RANBP2: variants seen among roughly 807,000 people sequenced by gnomAD.
RANBP2 encodes E3 SUMO-protein ligase RanBP2.
In RANBP2, 57 loss-of-function variants were observed where a neutral mutation model predicts 303.6. That is an observed-to-expected ratio of 0.19 (90% CI 0.15 to 0.23). RANBP2 has a LOEUF of 0.23. RANBP2 is among the 10% of genes least tolerant of loss of function. The probability of loss-of-function intolerance (pLI) is 1.00; values close to 1 mark genes in which losing one functional copy is unlikely to be tolerated. For missense variants in RANBP2, 3,138 were observed against 3,780.8 expected (o/e 0.83, Z 4.46); for synonymous variants, 1,167 against 1,301.5 (o/e 0.90, Z 2.23).
chr2:109,000,634 C>A, the RANBP2 span, among the ~76,000 whole-genome samples: 1 of 152,132 alleles, frequency 6.6e-6, no homozygotes, highest in African/African-American at 2.4e-5. Flanking sequence ...AAACTGGGGA[C>A]GGCTTCTTGG....
the RANBP2 span, among the ~76,000 whole-genome samples, chr2:108,800,210 G>T: frequency 6.6e-6 from 1 of 152,062 alleles, no homozygotes; most frequent in Non-Finnish European, 1.5e-5. Context: ...TTACCTTCTG[G>T]AGAATATTAT....
At chr2:109,443,858 T>G in the RANBP2 span, among the ~76,000 whole-genome samples, 2 of 152,216 alleles carry the variant, frequency 1.3e-5, no homozygotes, top group African/African-American at 2.4e-5. Context: ...GGTAAAAATT[T>G]AAAACATTAG....
At chr2:109,739,684 C>T in the RANBP2 span, among the ~76,000 whole-genome samples, 25 of 152,168 alleles carry the variant, frequency 1.6e-4, no homozygotes, top group South Asian at 2.1e-4. Context: ...GATAATTTTA[C>T]GTCTTCCTTT....
At chr2:109,341,564 A>C in the RANBP2 span, among the ~76,000 whole-genome samples, 3 of 152,190 alleles carry the variant, frequency 2.0e-5, no homozygotes, top group African/African-American at 7.2e-5. Flanking sequence ...TGAGCTGTGA[A>C]TGAGATCCCA....
chr2:109,587,970 T>C, the RANBP2 span, among the ~76,000 whole-genome samples: 4 of 150,822 alleles, frequency 2.7e-5, no homozygotes, highest in African/African-American at 9.7e-5. Flanking sequence ...GTGGCACCTA[T>C]AATCCCAGCT....
chr2:109,307,458 A>G, the RANBP2 span, among the ~76,000 whole-genome samples: 25 of 149,944 alleles, frequency 1.7e-4, no homozygotes, highest in South Asian at 4.7e-3. Context: ...GTTTTAGGGT[A>G]CATGTGCACA....
chr2:109,691,752 C>A, the RANBP2 span, among the ~76,000 whole-genome samples: 1 of 148,318 alleles, frequency 6.7e-6, no homozygotes, highest in Admixed American at 6.9e-5. Flanking sequence ...CCACCTCCAA[C>A]TTTAGGCCCC....
the RANBP2 span, among the ~76,000 whole-genome samples, chr2:109,458,600 G>GAGAGAGAGAGAGAGAGAGAGAGAGAGAT: frequency 6.6e-6 from 1 of 150,680 alleles, no homozygotes; most frequent in African/African-American, 2.5e-5. Flanking sequence ...GAGAGAGAGA[G>GAGAGAGAGAGAGAGAGAGAGAGAGAGAT]AATTTATTTA....
At chr2:109,199,418 T>TTAACC in the RANBP2 span, among the ~76,000 whole-genome samples, 3 of 874 alleles carry the variant, frequency 3.4e-3, no homozygotes, top group African/African-American at 6.9e-3. Context: ...TGGAATGGAA[T>TTAACC]GGAATGGAAT....
At chr2:109,138,051 T>G in the RANBP2 span, among the ~76,000 whole-genome samples, 1 of 152,242 alleles carries the variant, frequency 6.6e-6, no homozygotes, top group Middle Eastern at 3.2e-3. Flanking sequence ...AGTCTTGCTC[T>G]GTTACCCTAG....
At chr2:108,832,227 A>G in the RANBP2 span, among the ~76,000 whole-genome samples, 1 of 150,020 alleles carries the variant, frequency 6.7e-6, no homozygotes, top group Non-Finnish European at 1.5e-5. Flanking sequence ...GGGTTTTACC[A>G]TGTTGGCCTG....
At chr2:108,972,623 G>A in the RANBP2 span, among the ~76,000 whole-genome samples, 1 of 152,274 alleles carries the variant, frequency 6.6e-6, no homozygotes, top group Non-Finnish European at 1.5e-5. Flanking sequence ...GTCTGCACAA[G>A]GGTGACGGGT....
the RANBP2 span, among the ~76,000 whole-genome samples, chr2:109,764,095 A>C: frequency 6.7e-6 from 1 of 148,422 alleles, no homozygotes; most frequent in Non-Finnish European, 1.5e-5. Context: ...GGCTGTTTCA[A>C]CTTTTTCAGC....
chr2:109,009,705 TTTTTTG>T, the RANBP2 span, among the ~76,000 whole-genome samples: 26,292 of 144,366 alleles, frequency 0.18, 2,519 homozygotes, highest in Middle Eastern at 0.31. Context: ...TTTTTACCTT[TTTTTTG>T]TTTTTTTTTT....
intron 17 of RANBP2, among the ~76,000 whole-genome samples, chr2:108,757,837 T>G (rs373845927): frequency 6.6e-6 from 1 of 152,130 alleles, no homozygotes; most frequent in East Asian, 1.9e-4. Flanking sequence ...AGAATGGAAA[T>G]GAAGGTGTGA....
At chr2:109,664,937 A>G in the RANBP2 span, among the ~76,000 whole-genome samples, 2 of 152,090 alleles carry the variant, frequency 1.3e-5, no homozygotes, top group African/African-American at 4.8e-5. Flanking sequence ...TCTAAAAAAA[A>G]AAACCAAAAC....
the RANBP2 span, among the ~76,000 whole-genome samples, chr2:109,072,332 T>C: frequency 6.6e-6 from 1 of 152,184 alleles, no homozygotes; most frequent in Admixed American, 6.5e-5. Flanking sequence ...TCACACATGA[T>C]TCCGTGAAAG....
At chr2:109,130,184 G>A in the RANBP2 span, 9 of 1,230,720 alleles carry the variant, frequency 7.3e-6, no homozygotes, top group East Asian at 1.6e-4. Context: ...GGCGTGGGGG[G>A]CAGTGATGAG....
the RANBP2 span, chr2:108,875,973 G>T: frequency 1.6e-6 from 1 of 631,426 alleles, no homozygotes; most frequent in African/African-American, 1.8e-5. Flanking sequence ...TTTCTCCACT[G>T]TTTTTAAAAA....
Sources: gnomAD v4.1 joint callset for allele counts (sites outside exome capture counted in the v4.1 genomes callset) on GRCh38, gnomAD v4.1.1 for gene constraint, MANE v1.5 for transcripts, NCBI Gene and HGNC (gene_info 2026-07-23, HGNC 2026-07-21) for gene names.